The following SYT9 variants were observed in gnomAD, a reference collection of about 807,000 sequenced individuals.
The protein encoded by SYT9 is synaptotagmin-9.
Under a neutral mutation model 48.4 loss-of-function variants are expected in SYT9, and 22 were observed. The observed-to-expected ratio is 0.45, with a 90% CI of 0.32 to 0.65. The LOEUF (loss-of-function observed/expected upper bound fraction) is 0.65, where lower values mean the gene tolerates loss of function less well. Among genes scored for constraint, SYT9 ranks in the 30% least tolerant of loss-of-function variants. SYT9 has a pLI of 0.03. For synonymous variants in SYT9, 265 were observed against 245.0 expected, an observed-to-expected ratio of 1.08 and a Z score of -0.76; for missense variants, 577 against 622.0, an observed-to-expected ratio of 0.93 and a Z score of 0.77.
chr11:7,272,209 GT>G (rs2133888398), intron 1 of SYT9, among the ~76,000 whole-genome samples: 2 of 152,224 alleles, frequency 1.3e-5, no homozygotes, highest in African/African-American at 4.8e-5. Context: ...CGTGAGTAAG[GT>G]CATGACTTTG....
intron 3 of SYT9, among the ~76,000 whole-genome samples, chr11:7,369,876 TTC>T (rs1850330575): frequency 6.6e-6 from 1 of 150,890 alleles, no homozygotes; most frequent in Non-Finnish European, 1.5e-5. Context: ...AGTTCTTTTT[TTC>T]TCTTTTTATT....
chr11:7,371,695 C>G lies in SYT9; in HGVS notation c.1045-44347C>G, dbSNP rs911586235. 7.2e-5 allele frequency among the ~76,000 whole-genome samples: 11 copies of G among 152,080 alleles called. No homozygotes were observed. In the East Asian group the frequency reaches 2.1e-3, roughly 29 times the overall value. ...TCATGCCCTGTTCCAGTCAGTACCC[C>G]CAAAACAGCCACTTTCTGACTTCTA... On this transcript the variant is annotated intron_variant, in intron 3 of 6. Coordinates refer to ENST00000318881, the MANE Select transcript of SYT9 (RefSeq NM_175733.4).
At chr11:7,320,713 G>T (rs1252767781) in intron 3 of SYT9, among the ~76,000 whole-genome samples, 1 of 152,170 alleles carries the variant, frequency 6.6e-6, no homozygotes, top group African/African-American at 2.4e-5. Context: ...TTTTATAAAT[G>T]TTGGCACTCA....
intron 3 of SYT9, among the ~76,000 whole-genome samples, chr11:7,315,251 C>G (rs1301707352): frequency 6.6e-6 from 1 of 152,196 alleles, no homozygotes; most frequent in Non-Finnish European, 1.5e-5. Context: ...TAATAATACA[C>G]ATAAACCCAA....
intron 3 of SYT9, among the ~76,000 whole-genome samples, chr11:7,400,740 C>T (rs1042943646): frequency 1.9e-4 from 29 of 152,180 alleles, no homozygotes; most frequent in African/African-American, 6.8e-4. Flanking sequence ...AAAAGCCATT[C>T]TAGCAGAATG....
At chr11:7,382,939 C>T (rs1477754463) in intron 3 of SYT9, among the ~76,000 whole-genome samples, 1 of 152,160 alleles carries the variant, frequency 6.6e-6, no homozygotes. Context: ...ATCCTCCAGG[C>T]ACACTTCCAA....
rs1239043159 is a variant in SYT9, at chr11:7,326,447, A to G, written c.1044+12506A>G. ...TGATGGTAGTTTGTATTTCTGTGGG[A>G]TCGGTGGTGATATCCCCTTTATCAT... is the stretch of plus-strand genomic sequence containing the variant. On this transcript the variant is annotated intron_variant, in intron 3 of 6. Coordinates refer to ENST00000318881, the MANE Select transcript of SYT9 (RefSeq NM_175733.4). Among the ~76,000 whole-genome samples, 6 of 130,258 alleles carry G rather than the reference A, an allele frequency of 4.6e-5. No individual in the cohort carries two copies. In the South Asian group the frequency reaches 1.7e-3, roughly 37 times the overall value. 85.5% of individuals were successfully genotyped at this position (130,258 alleles called of 152,430 possible).
At chr11:7,358,999 C>G (rs894836905) in intron 3 of SYT9, among the ~76,000 whole-genome samples, 9 of 152,002 alleles carry the variant, frequency 5.9e-5, no homozygotes, top group Non-Finnish European at 1.0e-4. Context: ...ATTCCTCCCC[C>G]CTCCCCTCAC....
intron 1 of SYT9, among the ~76,000 whole-genome samples, chr11:7,288,664 G>A (rs1848643091): frequency 6.6e-6 from 1 of 150,796 alleles, no homozygotes; most frequent in Admixed American, 6.6e-5. Flanking sequence ...TGAGCCTACT[G>A]CATTTGTCCT....
At chr11:7,239,263 T>C (rs2119709613) in intron 1 of SYT9, among the ~76,000 whole-genome samples, 1 of 152,188 alleles carries the variant, frequency 6.6e-6, no homozygotes, top group South Asian at 2.1e-4. Context: ...ACTGCAGGGG[T>C]GAACCGCCAA....
intron 3 of SYT9, among the ~76,000 whole-genome samples, chr11:7,339,997 A>G (rs1321089346): frequency 6.6e-6 from 1 of 152,236 alleles, no homozygotes; most frequent in Non-Finnish European, 1.5e-5. Flanking sequence ...AATGACAATG[A>G]TTAATAGATT....
chr11:7,429,000 G>T (rs1385624985), intron 6 of SYT9, among the ~76,000 whole-genome samples: 1 of 152,190 alleles, frequency 6.6e-6, no homozygotes, highest in African/African-American at 2.4e-5. Flanking sequence ...TGGAGGGTCT[G>T]TGTTGGAATA....
chr11:7,349,279 C>T (rs1324152217), intron 3 of SYT9, among the ~76,000 whole-genome samples: 1 of 151,914 alleles, frequency 6.6e-6, no homozygotes, highest in Admixed American at 6.6e-5. Context: ...GAGATGGTTG[C>T]ACAACACTGT....
chr11:7,372,900 AATG>A (rs1274179323), intron 3 of SYT9, among the ~76,000 whole-genome samples: 1 of 152,134 alleles, frequency 6.6e-6, no homozygotes, highest in African/African-American at 2.4e-5. Context: ...TCCTGAATAT[AATG>A]ATAATGTTAT....
chr11:7,450,867 G>A (rs1848034178), intron 6 of SYT9, among the ~76,000 whole-genome samples: 1 of 152,212 alleles, frequency 6.6e-6, no homozygotes, highest in African/African-American at 2.4e-5. Context: ...TGAAGACACA[G>A]CTATACCAGT....
intron 3 of SYT9, among the ~76,000 whole-genome samples, chr11:7,342,949 G>A (rs766361243): frequency 1.4e-4 from 22 of 152,170 alleles, no homozygotes; most frequent in Non-Finnish European, 3.1e-4. Context: ...CAAGGCTTGG[G>A]GATTGCACTC....
intron 1 of SYT9, among the ~76,000 whole-genome samples, chr11:7,281,886 A>G (rs945713420): frequency 1.3e-5 from 2 of 152,248 alleles, no homozygotes; most frequent in Non-Finnish European, 2.9e-5. Context: ...CTGCTCCCCA[A>G]GAGCATTTCC....
In SYT9 at chr11:7,468,062, G is replaced by A. The variant is rs1342852638; in HGVS notation, c.*1262G>A. On this transcript the variant is annotated 3_prime_UTR_variant, in exon 7 of 7. Coordinates refer to ENST00000318881, the MANE Select transcript of SYT9 (RefSeq NM_175733.4). ...GAGGACTGGGGGCTGTTACCTAATG[G>A]TCCTCTCTGTCCCATTATAGGTGCA... The A allele has an allele frequency of 2.6e-6, 1 of 386,266 alleles. No individual in the cohort carries two copies. The highest frequency in any genetic ancestry group is 2.1e-5 in the African/African-American group (1 of 48,296). 23.9% of individuals were successfully genotyped at this position (386,266 alleles called of 1,614,324 possible). A position where few individuals can be genotyped will look rare whatever the true frequency, so the allele number is the denominator to read the frequency against.
At chr11:7,318,272 T>C (rs999919736) in intron 3 of SYT9, among the ~76,000 whole-genome samples, 18 of 152,208 alleles carry the variant, frequency 1.2e-4, no homozygotes, top group African/African-American at 4.1e-4. Flanking sequence ...GTTAAAATTC[T>C]TTATGTTAAT....
Sources: allele counts gnomAD v4.1 joint callset (sites outside exome capture counted in the v4.1 genomes callset), GRCh38; gene constraint gnomAD v4.1.1; transcripts MANE v1.5; gene names NCBI Gene and HGNC (gene_info 2026-07-23, HGNC 2026-07-21).